The following VPS45 variants were observed in gnomAD, a reference collection of about 807,000 sequenced individuals.
VPS45 encodes the protein vacuolar protein sorting 45 homolog, also known as vacuolar protein sorting-associated protein 45.
A neutral mutation model predicts 75.9 loss-of-function variants in VPS45; 35 were observed. That is an observed-to-expected ratio of 0.46 (90% CI 0.35 to 0.61). VPS45 has a LOEUF of 0.61. VPS45 is among the 20% of genes least tolerant of loss of function. The pLI is 0.00. For missense variants in VPS45, 559 were observed against 685.9 expected, an observed-to-expected ratio of 0.81 and a Z score of 2.07; for synonymous variants, 220 against 238.2, an observed-to-expected ratio of 0.92 and a Z score of 0.70.
intron 14 of VPS45, among the ~76,000 whole-genome samples, chr1:150,116,077 T>G (rs1290552775): frequency 6.6e-6 from 1 of 152,198 alleles, no homozygotes; most frequent in Non-Finnish European, 1.5e-5. Context: ...TACAAGATAA[T>G]TTTCACCTTA....
chr1:150,104,197 C>T (rs191445569), intron 13 of VPS45, among the ~76,000 whole-genome samples: 2 of 152,204 alleles, frequency 1.3e-5, no homozygotes, highest in Admixed American at 1.3e-4. Context: ...CTTTTGGAGT[C>T]CCCCATAGTC....
chr1:150,109,363 G>A (rs990481545), intron 13 of VPS45: 3 of 152,010 alleles, frequency 2.0e-5, no homozygotes, highest in African/African-American at 7.2e-5. Flanking sequence ...GCAATTTAGA[G>A]ACTATCTGAA....
At chr1:150,110,365 TTATTC>T (rs1381558316) in intron 13 of VPS45, 126 bp from the exon 14 acceptor site, 4 of 902,452 alleles carry the variant, frequency 4.4e-6, no homozygotes, top group Non-Finnish European at 6.3e-6. Context: ...TTTAAACCTT[TTATTC>T]TATTCTGCTT....
chr1:150,123,413 G>A (rs1658340522), intron 14 of VPS45, among the ~76,000 whole-genome samples: 1 of 152,166 alleles, frequency 6.6e-6, no homozygotes, highest in Non-Finnish European at 1.5e-5. Context: ...ATCTATCAAA[G>A]CAATGTGAAT....
intron 8 of VPS45, 114 bp downstream of exon 8, chr1:150,081,590 G>T: frequency 8.3e-7 from 1 of 1,204,862 alleles, no homozygotes. Context: ...GATGATAGGG[G>T]CATCCTGTGC....
In VPS45 at chr1:150,124,453, C is replaced by T. The variant is rs587593903; in HGVS notation, c.1625+13826C>T. Among the ~76,000 whole-genome samples the T allele has an allele frequency of 3.3e-5, 5 of 150,604 alleles. No homozygotes were observed. In the East Asian group the frequency reaches 5.8e-4, roughly 18 times the overall value. On this transcript the variant is annotated intron_variant, in intron 14 of 14. Transcript: ENST00000644510. ...CAGCCTGGGTGAGAGACCAAGACTC[C>T]GTCTTGGAAAAAAAAAATGAATTAT...
chr1:150,110,478 C>A lies in VPS45; in HGVS notation c.1494-18C>A. ...TTTTTCTTATCCTGTGATAATATCTCATTCTTCATTATTGCAGACCTCAGG... is the reference window on the plus strand; with the variant it reads ...TTTTTCTTATCCTGTGATAATATCTAATTCTTCATTATTGCAGACCTCAGG... On this transcript the variant is annotated intron_variant, in intron 13 of 14. Coordinates refer to ENST00000644510, the MANE Select transcript of VPS45 (RefSeq NM_007259.5). 1.3e-6 allele frequency: 2 copies of A among 1,596,894 alleles called. No individual in the cohort carries two copies. The highest frequency in any genetic ancestry group is 1.1e-5 in the South Asian group (1 of 88,998).
At chr1:150,105,046 A>G (rs1205623959) in intron 13 of VPS45, among the ~76,000 whole-genome samples, 1 of 152,188 alleles carries the variant, frequency 6.6e-6, no homozygotes, top group Non-Finnish European at 1.5e-5. Context: ...ACTAATTTAC[A>G]TTCCAACCAA....
chr1:150,098,774 A>G, intron 13 of VPS45: 1 of 913,016 alleles, frequency 1.1e-6, no homozygotes, highest in South Asian at 1.6e-5. Context: ...TATATCCACA[A>G]ATTGGATTTG....
Position 150,106,798 on chromosome 1 carries a change from CT to C in VPS45, c.1494-3693del, listed in dbSNP as rs1318601409. On this transcript the variant is annotated intron_variant, in intron 13 of 14. Transcript: ENST00000644510. ...TTATGTCCTTCCCTTCATAGCCAAGCTTTTTGGATAAAGAAGCCCACAGTCA... is the reference window on the plus strand; with the variant it reads ...TTATGTCCTTCCCTTCATAGCCAAGCTTTTGGATAAAGAAGCCCACAGTCA... Among the ~76,000 whole-genome samples, 9 of 152,290 alleles carry C rather than the reference CT, an allele frequency of 5.9e-5. No homozygotes were observed. In the East Asian group the frequency reaches 1.7e-3, roughly 29 times the overall value.
At chr1:150,071,880 G>T (rs1553797123) in intron 2 of VPS45, among the ~76,000 whole-genome samples, 1 of 150,992 alleles carries the variant, frequency 6.6e-6, no homozygotes, top group Non-Finnish European at 1.5e-5. Context: ...ATTTTATGTT[G>T]TGTTTCAACA....
chr1:150,077,388 G>A, intron 6 of VPS45, 157 bp downstream of exon 6: 1 of 972,092 alleles, frequency 1.0e-6, no homozygotes, highest in Admixed American at 2.9e-5. Flanking sequence ...AAAACAAAAA[G>A]CAACAATTAG....
intron 10 of VPS45, chr1:150,083,304 T>A (rs79595845): frequency 0.04 from 6,155 of 153,462 alleles, 414 homozygotes; most frequent in African/African-American, 0.14. Context: ...TATATTAAAA[T>A]GTATTGTCTA....
At chr1:150,086,174 G>A (rs1656004890) in intron 10 of VPS45, among the ~76,000 whole-genome samples, 1 of 152,068 alleles carries the variant, frequency 6.6e-6, no homozygotes, top group African/African-American at 2.4e-5. Flanking sequence ...GTATAGAGTA[G>A]TGGCTAAGAG....
At chr1:150,083,044 AAG>A in intron 10 of VPS45, 161 bp downstream of exon 10, 1 of 724,292 alleles carries the variant, frequency 1.4e-6, no homozygotes, top group Non-Finnish European at 2.1e-6. Flanking sequence ...GATCTATAAA[AAG>A]AGTCACAAGA....
intron 4 of VPS45, chr1:150,076,587 C>A (rs980483496): frequency 1.5e-4 from 70 of 466,292 alleles, no homozygotes; most frequent in Non-Finnish European, 2.4e-4. Flanking sequence ...CAGCAAAGTT[C>A]TTTTTTATCT....
chr1:150,138,732 C>G (rs1197905162), intron 14 of VPS45, among the ~76,000 whole-genome samples: 1 of 152,164 alleles, frequency 6.6e-6, no homozygotes, highest in Non-Finnish European at 1.5e-5. Context: ...ACTTCTCCCC[C>G]AAACTCTGGA....
chr1:150,117,784 G>A (rs1435220993), intron 14 of VPS45, among the ~76,000 whole-genome samples: 8 of 151,390 alleles, frequency 5.3e-5, no homozygotes, highest in Non-Finnish European at 1.0e-4. Flanking sequence ...GCTTGAGTCC[G>A]GGAGGCGGAG....
chr1:150,110,806 A>T (rs782011820), intron 14 of VPS45, among the ~76,000 whole-genome samples, 179 bp downstream of exon 14: 29 of 152,216 alleles, frequency 1.9e-4, no homozygotes, highest in Non-Finnish European at 2.8e-4. Context: ...TATAGTAGTT[A>T]AGTTCGTTAA....
Sources: gnomAD v4.1 joint callset for allele counts (sites outside exome capture counted in the v4.1 genomes callset) on GRCh38, gnomAD v4.1.1 for gene constraint, MANE v1.5 for transcripts, NCBI Gene and HGNC (gene_info 2026-07-23, HGNC 2026-07-21) for gene names.